The following COBL variants were observed in gnomAD, a reference collection of about 807,000 sequenced individuals.
COBL encodes protein cordon-bleu.
Under a neutral mutation model 98.8 loss-of-function variants are expected in COBL, and 51 were observed. The ratio of observed to expected loss-of-function variants is 0.52; its 90% CI spans 0.41 to 0.65. The LOEUF (loss-of-function observed/expected upper bound fraction) is 0.65. Ranked by LOEUF, COBL falls within the 30% of genes least tolerant of loss-of-function variation. The pLI is 0.00. For missense variants in COBL, 1,617 were observed against 1,617.5 expected (o/e 1.00, Z 0.01); for synonymous variants, 634 against 651.7 (o/e 0.97, Z 0.41).
intron 1 of COBL, among the ~76,000 whole-genome samples, chr7:51,315,033 T>G (rs1392026477): frequency 6.6e-6 from 1 of 152,206 alleles, no homozygotes; most frequent in Non-Finnish European, 1.5e-5. Context: ...ATGTTCTCTC[T>G]GTCTTCATAT....
intron 7 of COBL, among the ~76,000 whole-genome samples, chr7:51,074,891 A>G (rs1792912698): frequency 1.3e-5 from 2 of 152,262 alleles, no homozygotes; most frequent in South Asian, 4.1e-4. Flanking sequence ...TATAAGTAAT[A>G]ATAAAATGCA....
chr7:51,106,299 C>T (rs1292343130), intron 6 of COBL, among the ~76,000 whole-genome samples: 1 of 151,484 alleles, frequency 6.6e-6, no homozygotes, highest in Non-Finnish European at 1.5e-5. Flanking sequence ...GTCTTAATTT[C>T]AAAAGTGAAT....
intron 7 of COBL, among the ~76,000 whole-genome samples, chr7:51,073,548 T>C (rs780737634): frequency 6.6e-6 from 1 of 152,214 alleles, no homozygotes; most frequent in African/African-American, 2.4e-5. Flanking sequence ...CCATTTAGTC[T>C]TTTTGTATGC....
intron 1 of COBL, among the ~76,000 whole-genome samples, chr7:51,229,253 T>A (rs1010951336): frequency 6.6e-6 from 1 of 152,232 alleles, no homozygotes; most frequent in Non-Finnish European, 1.5e-5. Flanking sequence ...TGCCACCCGA[T>A]GCAGCTTTTC....
intron 7 of COBL, among the ~76,000 whole-genome samples, chr7:51,060,756 C>G (rs1481407520): frequency 6.6e-6 from 1 of 152,128 alleles, no homozygotes; most frequent in Non-Finnish European, 1.5e-5. Context: ...AATTATTCCA[C>G]CAGGGGGCAC....
chr7:51,265,186 G>T (rs1271177106), intron 1 of COBL, among the ~76,000 whole-genome samples: 1 of 152,176 alleles, frequency 6.6e-6, no homozygotes, highest in Non-Finnish European at 1.5e-5. Context: ...TAACAACCGC[G>T]TGCTCATCTG....
chr7:51,026,745 C>T lies in COBL; in HGVS notation c.3385-80G>A, dbSNP rs1222523858. On this transcript the variant is annotated intron_variant, in intron 10 of 12. Transcript: ENST00000265136. ...GTAATGCAGCTCATGAGAAAACCCA[C>T]TCATGGGCCAGGCACGGTGGCTCAT... 1.9e-6 allele frequency: 3 copies of T among 1,541,204 alleles called. No homozygotes were observed. In the African/African-American group the frequency reaches 4.1e-5, roughly 21 times the overall value.
intron 8 of COBL, chr7:51,033,073 AAAT>A (rs1274289329): frequency 6.6e-6 from 1 of 152,188 alleles, no homozygotes; most frequent in African/African-American, 2.4e-5. Context: ...GAATTAAAAA[AAAT>A]AATAAGATAA....
intron 1 of COBL, among the ~76,000 whole-genome samples, chr7:51,257,462 T>A (rs1344030617): frequency 6.6e-6 from 1 of 152,168 alleles, no homozygotes; most frequent in Non-Finnish European, 1.5e-5. Flanking sequence ...CTGAACTGTA[T>A]CAAGCACCAC....
At chr7:51,029,812 C>T (rs188327267) in intron 9 of COBL, among the ~76,000 whole-genome samples, 2 of 152,282 alleles carry the variant, frequency 1.3e-5, no homozygotes, top group Admixed American at 6.5e-5. Context: ...TGTTTCAAGG[C>T]AAGGTATTCA....
intron 5 of COBL, 107 bp from the exon 6 acceptor site, chr7:51,136,438 C>T (rs867222254): frequency 1.3e-5 from 15 of 1,198,284 alleles, no homozygotes; most frequent in Middle Eastern, 2.5e-4. Context: ...TGAGCTTGAA[C>T]GGCAGCTGTT....
At chr7:51,190,467 C>T (rs1411408840) in intron 4 of COBL, among the ~76,000 whole-genome samples, 9 of 152,162 alleles carry the variant, frequency 5.9e-5, no homozygotes, top group African/African-American at 2.2e-4. Flanking sequence ...TCTCCTGCCT[C>T]AGCCTCTCAA....
intron 12 of COBL, chr7:51,021,399 T>C (rs1021850686): frequency 1.3e-5 from 2 of 152,218 alleles, no homozygotes; most frequent in Non-Finnish European, 2.9e-5. Flanking sequence ...GGTATGATCA[T>C]AGCTCACTAC....
chr7:51,215,285 C>A (rs1330940221), intron 2 of COBL, among the ~76,000 whole-genome samples: 4 of 152,160 alleles, frequency 2.6e-5, no homozygotes, highest in Admixed American at 6.5e-5. Context: ...TGTCACTTCC[C>A]CACAAAAAAG....
chr7:51,150,330 T>C (rs962944488), intron 5 of COBL, among the ~76,000 whole-genome samples: 2 of 152,180 alleles, frequency 1.3e-5, no homozygotes, highest in African/African-American at 4.8e-5. Context: ...ATAGTGCTCA[T>C]GATTGAACGT....
chr7:51,077,498 G>A (rs977683447), intron 7 of COBL, among the ~76,000 whole-genome samples: 3 of 152,172 alleles, frequency 2.0e-5, no homozygotes, highest in Non-Finnish European at 4.4e-5. Flanking sequence ...GTGACAGCAG[G>A]GAGCACGAGT....
chr7:51,041,208 G>A (rs1789157715), intron 8 of COBL, among the ~76,000 whole-genome samples: 1 of 152,116 alleles, frequency 6.6e-6, no homozygotes, highest in South Asian at 2.1e-4. Context: ...TATAAACTTG[G>A]TCTTGGAGTC....
intron 6 of COBL, among the ~76,000 whole-genome samples, chr7:51,111,575 CT>C (rs1796824868): frequency 6.6e-6 from 1 of 152,186 alleles, no homozygotes; most frequent in African/African-American, 2.4e-5. Context: ...ACGGAGTGTC[CT>C]CTCTCGCTGA....
At chr7:51,034,707 G>C (rs1264305919) in intron 8 of COBL, 1 of 152,198 alleles carries the variant, frequency 6.6e-6, no homozygotes, top group East Asian at 1.9e-4. Flanking sequence ...ATGTGTCCCT[G>C]AAGAGTTAGC....
Sources: allele counts gnomAD v4.1 joint callset (sites outside exome capture counted in the v4.1 genomes callset), GRCh38; gene constraint gnomAD v4.1.1; transcripts MANE v1.5; gene names NCBI Gene and HGNC (gene_info 2026-07-23, HGNC 2026-07-21).